TMEM43: variants seen among roughly 807,000 people sequenced by gnomAD.
TMEM43 encodes arrhythmogenic right ventricular dysplasia 5.
TMEM43 carries 45 observed loss-of-function variants against 49.6 expected under a neutral mutation model. The ratio of observed to expected loss-of-function variants is 0.91; its 90% confidence interval spans 0.71 to 1.16. The LOEUF (loss-of-function observed/expected upper bound fraction) is 1.16, where lower values mean the gene tolerates loss of function less well. TMEM43 is among the 50% of genes most tolerant of loss of function. TMEM43 has a pLI of 0.00. For missense variants in TMEM43, 532 were observed against 516.6 expected (o/e 1.03, Z -0.29); for synonymous variants, 199 against 207.8 (o/e 0.96, Z 0.36).
At chr3:14,135,745 G>T in intron 9 of TMEM43, 62 bp from the exon 10 acceptor site, 2 of 1,444,302 alleles carry the variant, frequency 1.4e-6, no homozygotes, top group African/African-American at 2.8e-5. Context: ...GTGGGCCATG[G>T]CTCTCGTGGG....
rs138764471 is a variant in TMEM43 at position 14,130,882 on chromosome 3, G to A, written c.223G>A (p.Asp75Asn). ...AEGLSLVVSP[D>N]SIHSVAPENE... is the part of the protein sequence containing the mutation. ...GGGGCTCTCGCTTGTGGTGTCTCCC[G>A]ACAGCATCCACAGTGTGGCTCCGGA... is the stretch of plus-strand genomic sequence containing the variant. Residue 75 changes from aspartate to asparagine, a missense_variant, in exon 3 of 12, where the codon GAC becomes AAC. By Grantham distance (23) the Asp-to-Asn change is conservative. Transcript: ENST00000306077. 2.5e-6 allele frequency: 4 copies of A among 1,613,652 alleles called. No homozygotes were observed. The highest frequency in any genetic ancestry group is 8.5e-7 in the Non-Finnish European group (1 of 1,179,808).
At chr3:14,132,296 T>C (rs1218737132) in intron 4 of TMEM43, among the ~76,000 whole-genome samples, 4 of 152,010 alleles carry the variant, frequency 2.6e-5, no homozygotes, top group Non-Finnish European at 5.9e-5. Context: ...CCCCTTGGTG[T>C]AAGGCCAGTG....
In TMEM43 at chr3:14,139,253, T is replaced by C. The variant is rs775113815; in HGVS notation, c.956T>C (p.Met319Thr). 5.0e-6 allele frequency: 8 copies of C among 1,614,070 alleles called. No homozygotes were observed. The African/African-American group carries it at 9.3e-5, about 19-fold the overall frequency. The change falls in exon 11 of 12, where the codon ATG (methionine) becomes ACG (threonine). Residue 319 changes from methionine to threonine, a missense_variant. Met to Thr is a moderately conservative substitution (Grantham distance 81). Coordinates refer to ENST00000306077, the MANE Select transcript of TMEM43 (RefSeq NM_024334.3). The part of the protein sequence containing the change: ...WGLRAAGWMA[M>T]FMGLNLMTRI... ...CTGCGGGCAGCTGGCTGGATGGCCA[T>C]GTTCATGGGCCTCAACCTTATGACA... is the stretch of plus-strand genomic sequence containing the variant.
chr3:14,134,939 G>A (rs1695148077), intron 8 of TMEM43, 48 bp downstream of exon 8: 2 of 1,613,004 alleles, frequency 1.2e-6, no homozygotes, highest in Non-Finnish European at 1.7e-6. Context: ...CAGGGCGCTA[G>A]GATCAGGTTC....
intron 2 of TMEM43, among the ~76,000 whole-genome samples, chr3:14,130,532 AG>A (rs1365296670): frequency 6.6e-6 from 1 of 152,174 alleles, no homozygotes; most frequent in Non-Finnish European, 1.5e-5. Context: ...ATGGGGAGAA[AG>A]GGACAGGCAG....
At chr3:14,139,910 G>A (rs1402772097) in intron 11 of TMEM43, among the ~76,000 whole-genome samples, 3 of 152,164 alleles carry the variant, frequency 2.0e-5, no homozygotes, top group Non-Finnish European at 2.9e-5. Flanking sequence ...TTCGGGATCT[G>A]AGTGCCCAGG....
chr3:14,130,599 G>A (rs1027327810), intron 2 of TMEM43, among the ~76,000 whole-genome samples: 2 of 152,222 alleles, frequency 1.3e-5, no homozygotes, highest in African/African-American at 4.8e-5. Flanking sequence ...GTGGGGGCTA[G>A]TGGGAACCAA....
chr3:14,141,898 T>C lies in TMEM43; in HGVS notation c.*103T>C. 1 of 1,255,904 alleles carries C rather than the reference T, an allele frequency of 8.0e-7. No homozygotes were observed. The highest frequency in any genetic ancestry group is 1.5e-5 in the African/African-American group (1 of 67,254). 77.8% of individuals were successfully genotyped at this position (1,255,904 alleles called of 1,614,324 possible). A position where few individuals can be genotyped will look rare whatever the true frequency, so the allele number is the denominator to read the frequency against. Reference sequence around the variant, plus strand: ...CCAGAGCAGGAGCCCCGGTCAATTTTGGACTCTGCACTCCCTCTCCTCTTC... The same window carrying C: ...CCAGAGCAGGAGCCCCGGTCAATTTCGGACTCTGCACTCCCTCTCCTCTTC... On this transcript the variant is annotated 3_prime_UTR_variant, in exon 12 of 12. Coordinates refer to ENST00000306077, the MANE Select transcript of TMEM43 (RefSeq NM_024334.3).
intron 10 of TMEM43, 115 bp downstream of exon 10, chr3:14,136,023 A>G (rs771191626): frequency 1.1e-6 from 1 of 911,218 alleles, no homozygotes; most frequent in South Asian, 1.3e-5. Context: ...TGAGGCAAGA[A>G]GAAGAAATAG....
intron 1 of TMEM43, among the ~76,000 whole-genome samples, chr3:14,128,056 T>C (rs1228914981): frequency 1.3e-5 from 2 of 152,142 alleles, no homozygotes; most frequent in Non-Finnish European, 2.9e-5. Context: ...AGCTACCCAA[T>C]AACTGTGTTC....
intron 3 of TMEM43, 137 bp from the exon 4 acceptor site, chr3:14,131,443 A>T (rs1479818991): frequency 4.0e-6 from 3 of 749,610 alleles, no homozygotes; most frequent in African/African-American, 3.5e-5. Context: ...TCTCCCCTGC[A>T]AAGCAGTGTA....
chr3:14,128,227 C>T (rs1574936091), intron 1 of TMEM43, among the ~76,000 whole-genome samples: 1 of 152,150 alleles, frequency 6.6e-6, no homozygotes, highest in Non-Finnish European at 1.5e-5. Context: ...TTTTGATCAG[C>T]AGTGGATGCA....
chr3:14,135,260 T>A, intron 9 of TMEM43, 28 bp downstream of exon 9: 1 of 1,591,186 alleles, frequency 6.3e-7, no homozygotes, highest in South Asian at 1.1e-5. Flanking sequence ...GGGCAGACAC[T>A]AAGTCAGAGC....
rs189274650 is a variant in TMEM43, at chr3:14,134,663, A to C, written c.584-107A>C. The C allele has an allele frequency of 4.0e-4, 584 of 1,471,782 alleles. 5 individuals carry two copies. In the East Asian group the frequency reaches 0.011, roughly 28 times the overall value. The allele number at this position is 1,471,782 out of a possible 1,614,324, so 91.2% of individuals were successfully genotyped here. Reference sequence around the variant, plus strand: ...AAGAGGCACTGCAGGTGGGAGTGCCACGTGTGCAGGCTCCAGGGGTGCAGT... The same window carrying C: ...AAGAGGCACTGCAGGTGGGAGTGCCCCGTGTGCAGGCTCCAGGGGTGCAGT... On this transcript the variant is annotated intron_variant, in intron 7 of 11. Transcript: ENST00000306077.
intron 1 of TMEM43, among the ~76,000 whole-genome samples, chr3:14,125,756 G>C (rs565890040): frequency 5.3e-5 from 8 of 152,272 alleles, no homozygotes; most frequent in African/African-American, 1.7e-4. Flanking sequence ...GAAGGAGTTG[G>C]GGGAGAGGGA....
rs1261978753 is a variant in TMEM43, at chr3:14,129,458, G to A, written c.59G>A (p.Ser20Asn). 6.2e-7 allele frequency: 1 copy of A among 1,613,852 alleles called. No homozygotes were observed. The highest frequency in any genetic ancestry group is 8.5e-7 in the Non-Finnish European group (1 of 1,180,008). The change falls in exon 2 of 12, where the codon AGC becomes AAC. Residue 20 changes from serine to asparagine, a missense_variant. By Grantham distance (46) the Ser-to-Asn change is conservative. Transcript: ENST00000306077. ...TRREHVKVKT[S>N]SQPGFLERLS... ...AGAGAACATGTCAAAGTTAAAACCA[G>A]CTCCCAGCCAGGCTTCCTGGAACGG...
chr3:14,141,826 T>C lies in TMEM43; in HGVS notation c.*31T>C, dbSNP rs182728261. On this transcript the variant is annotated 3_prime_UTR_variant, in exon 12 of 12. Coordinates refer to ENST00000306077, the MANE Select transcript of TMEM43 (RefSeq NM_024334.3). ...CCCTGGCACCCGCCCGACACCTGCG[T>C]GAGCCCTAGGATCCAGGTCCTCTCT... 14,482 of 1,598,554 alleles carry C rather than the reference T, an allele frequency of 9.1e-3. 95 individuals carry two copies. The highest frequency in any genetic ancestry group is 0.015 in the South Asian group (1,345 of 89,970).
chr3:14,126,451 C>T (rs2733583), intron 1 of TMEM43, among the ~76,000 whole-genome samples: 22,311 of 152,076 alleles, frequency 0.15, 1,786 homozygotes, highest in East Asian at 0.22. Flanking sequence ...CATGCTGTGA[C>T]ACGGAAATAT....
intron 7 of TMEM43, 140 bp from the exon 8 acceptor site, chr3:14,134,628 CAG>C (rs1324575994): frequency 8.8e-6 from 10 of 1,133,188 alleles, no homozygotes; most frequent in Admixed American, 5.3e-5. Flanking sequence ...GTGGACGAGA[CAG>C]AGTCAGAAAG....
Sources: gnomAD v4.1 joint callset for allele counts (sites outside exome capture counted in the v4.1 genomes callset) on GRCh38, gnomAD v4.1.1 for gene constraint, MANE v1.5 for transcripts, NCBI Gene and HGNC (gene_info 2026-07-23, HGNC 2026-07-21) for gene names.